The following PCDH9 variants were observed in gnomAD, a reference collection of about 807,000 sequenced individuals.
PCDH9 encodes protocadherin-9.
PCDH9 carries 24 observed loss-of-function variants against 70.6 expected under a neutral mutation model. The observed-to-expected ratio is 0.34, with a 90% CI of 0.25 to 0.48. PCDH9 has a LOEUF of 0.48. PCDH9 is among the 20% of genes least tolerant of loss of function. The pLI is 0.99. For missense variants in PCDH9, 1,281 were observed against 1,503.6 expected, an observed-to-expected ratio of 0.85 and a Z score of 2.45; for synonymous variants, 562 against 558.5, an observed-to-expected ratio of 1.01 and a Z score of -0.09.
At chr13:66,932,107 A>G (rs1952441629) in intron 2 of PCDH9, among the ~76,000 whole-genome samples, 1 of 152,172 alleles carries the variant, frequency 6.6e-6, no homozygotes, top group South Asian at 2.1e-4. Flanking sequence ...GAAATTGTGC[A>G]GTCTCTTTCT....
chr13:66,518,038 G>T (rs984231101), intron 4 of PCDH9, among the ~76,000 whole-genome samples: 1 of 152,002 alleles, frequency 6.6e-6, no homozygotes, highest in Non-Finnish European at 1.5e-5. Flanking sequence ...AAGAAGAGAG[G>T]TTCAACTGGT....
intron 4 of PCDH9, among the ~76,000 whole-genome samples, chr13:66,576,012 T>A (rs2076809845): frequency 6.6e-6 from 1 of 151,796 alleles, no homozygotes; most frequent in South Asian, 2.1e-4. Flanking sequence ...GCTAGACACT[T>A]TGGATTATTT....
At chr13:66,605,874 T>G (rs1251809122) in intron 4 of PCDH9, among the ~76,000 whole-genome samples, 1 of 152,134 alleles carries the variant, frequency 6.6e-6, no homozygotes, top group African/African-American at 2.4e-5. Context: ...TTCCTGGCTC[T>G]AATAGTAACA....
At chr13:67,183,602 A>G (rs2088672879) in intron 2 of PCDH9, among the ~76,000 whole-genome samples, 1 of 152,180 alleles carries the variant, frequency 6.6e-6, no homozygotes, top group Admixed American at 6.5e-5. Context: ...TAAAAAATCA[A>G]AACCAAAAAA....
intron 4 of PCDH9, among the ~76,000 whole-genome samples, chr13:66,529,627 C>T (rs771541161): frequency 3.3e-5 from 5 of 151,948 alleles, no homozygotes; most frequent in Admixed American, 6.6e-5. Context: ...CTTTTTATTA[C>T]AAGAAGTCCA....
In PCDH9 at chr13:66,967,332, C is replaced by T. The variant is rs1414789147; in HGVS notation, c.3037-63727G>A. 3.3e-5 allele frequency among the ~76,000 whole-genome samples: 5 copies of T among 152,076 alleles called. No individual in the cohort carries two copies. The East Asian group carries it at 7.7e-4, about 23-fold the overall frequency. Reference sequence around the variant, plus strand: ...AAAGCCACACTGTCCAACATTGTTGCTATTCACCACATATAGCTATTTAAA... The same window carrying T: ...AAAGCCACACTGTCCAACATTGTTGTTATTCACCACATATAGCTATTTAAA... On this transcript the variant is annotated intron_variant, in intron 2 of 4. Coordinates refer to ENST00000377865, the MANE Select transcript of PCDH9 (RefSeq NM_203487.3).
intron 2 of PCDH9, chr13:67,218,163 A>C (rs1333295386): frequency 6.6e-6 from 1 of 152,066 alleles, no homozygotes; most frequent in Non-Finnish European, 1.5e-5. Context: ...TTCAGCACTG[A>C]TTTCCTGCAA....
chr13:67,080,415 A>G (rs994128764), intron 2 of PCDH9, among the ~76,000 whole-genome samples: 4 of 152,200 alleles, frequency 2.6e-5, no homozygotes, highest in Admixed American at 1.3e-4. Context: ...TGGAGATTCA[A>G]TGAGAAATGT....
chr13:67,039,385 T>C (rs181290604), intron 2 of PCDH9, among the ~76,000 whole-genome samples: 1 of 152,254 alleles, frequency 6.6e-6, no homozygotes, highest in Admixed American at 6.5e-5. Context: ...GTCCTGTTGT[T>C]ACCATACGGC....
intron 2 of PCDH9, among the ~76,000 whole-genome samples, chr13:67,170,993 A>G (rs899334215): frequency 3.9e-5 from 6 of 152,102 alleles, no homozygotes; most frequent in African/African-American, 1.4e-4. Flanking sequence ...TAACTCAGAG[A>G]AAAATATGGT....
intron 4 of PCDH9, among the ~76,000 whole-genome samples, chr13:66,543,825 C>G (rs577741346): frequency 6.6e-6 from 1 of 152,296 alleles, no homozygotes; most frequent in South Asian, 2.1e-4. Flanking sequence ...AGCTTTGTCT[C>G]TAAGCAGAGA....
At chr13:67,217,049 G>C (rs929028128) in intron 2 of PCDH9, 1 of 151,980 alleles carries the variant, frequency 6.6e-6, no homozygotes, top group South Asian at 2.1e-4. Flanking sequence ...CTATGTAGCT[G>C]TGTATTTGAA....
At chr13:66,523,874 A>T (rs1464345324) in intron 4 of PCDH9, among the ~76,000 whole-genome samples, 1 of 152,136 alleles carries the variant, frequency 6.6e-6, no homozygotes, top group Non-Finnish European at 1.5e-5. Flanking sequence ...ATACTTAAGC[A>T]TAAAATAATT....
At chr13:66,796,043 C>A (rs550061361) in intron 3 of PCDH9, among the ~76,000 whole-genome samples, 15 of 152,236 alleles carry the variant, frequency 9.9e-5, no homozygotes, top group Admixed American at 9.8e-4. Context: ...GATTTTTCAA[C>A]AAAATAGATA....
intron 4 of PCDH9, among the ~76,000 whole-genome samples, chr13:66,579,815 C>T (rs1240421587): frequency 1.3e-5 from 2 of 151,992 alleles, no homozygotes; most frequent in East Asian, 3.9e-4. Flanking sequence ...AGGTAGAATT[C>T]ATCTCAGATC....
intron 4 of PCDH9, among the ~76,000 whole-genome samples, chr13:66,506,982 C>T (rs1196204256): frequency 6.6e-6 from 1 of 152,176 alleles, no homozygotes; most frequent in Non-Finnish European, 1.5e-5. Context: ...TTAGGCATTG[C>T]CTATAGCTAG....
At chr13:66,366,727 C>T (rs1320963928) in intron 4 of PCDH9, among the ~76,000 whole-genome samples, 4 of 151,982 alleles carry the variant, frequency 2.6e-5, no homozygotes, top group African/African-American at 7.2e-5. Flanking sequence ...AGCTCCTAGA[C>T]ACATAATAAG....
At chr13:66,311,224 T>G (rs1955553714) in intron 4 of PCDH9, among the ~76,000 whole-genome samples, 1 of 152,080 alleles carries the variant, frequency 6.6e-6, no homozygotes, top group Non-Finnish European at 1.5e-5. Context: ...TATAATAAAA[T>G]TTCGGGGAAA....
intron 2 of PCDH9, among the ~76,000 whole-genome samples, chr13:67,176,955 G>A (rs985424815): frequency 6.6e-6 from 1 of 151,984 alleles, no homozygotes. Flanking sequence ...AGTTGCCTTC[G>A]TTACTAAATG....
Sources: allele counts gnomAD v4.1 joint callset (sites outside exome capture counted in the v4.1 genomes callset), GRCh38; gene constraint gnomAD v4.1.1; transcripts MANE v1.5; gene names NCBI Gene and HGNC (gene_info 2026-07-23, HGNC 2026-07-21).